The following SERHL2 variants were observed in gnomAD, a reference collection of about 807,000 sequenced individuals.
SERHL2 encodes serine hydrolase like 2.
Under a neutral mutation model 25.5 loss-of-function variants are expected in SERHL2, and 29 were observed. That is an observed-to-expected ratio of 1.14 (90% CI 0.85 to 1.55). The LOEUF (loss-of-function observed/expected upper bound fraction) is 1.55. Among genes scored for constraint, SERHL2 ranks in the 40% most tolerant of loss-of-function variants. The pLI, the probability that SERHL2 is intolerant of heterozygous loss-of-function variation, is 0.00. For synonymous variants in SERHL2, 95 were observed against 103.5 expected (o/e 0.92, Z 0.50); for missense variants, 240 against 252.3 (o/e 0.95, Z 0.33).
intron 7 of SERHL2, among the ~76,000 whole-genome samples, chr22:42,559,224 G>C (rs1922357407): frequency 1.9e-5 from 1 of 51,980 alleles, no homozygotes; most frequent in South Asian, 6.8e-4. Context: ...GCGAGACCCT[G>C]TATTTAAAAA....
intron 10 of SERHL2, 121 bp from the exon 11 acceptor site, chr22:42,572,315 G>T (rs1467921753): frequency 3.0e-6 from 2 of 662,582 alleles, no homozygotes; most frequent in Non-Finnish European, 5.3e-6. Context: ...CCAGCTGTGG[G>T]AGTTGGGGTA....
rs140100956 is a variant in SERHL2 at position 42,572,493 on chromosome 22, G to C, written c.789G>C (p.Ser263=). Residue 263 remains serine, a synonymous_variant, in exon 11 of 12, where the codon TCG becomes TCC. Coordinates refer to ENST00000327678, the MANE Select transcript of SERHL2 (RefSeq NM_014509.5). ...RQNYSEKESL[S]FMIDTMKSTL... ...ATTACTCTGAGAAGGAGTCCCTGTC[G>C]TTCATGATAGACACGATGAAATCCA... 4.3e-6 allele frequency: 7 copies of C among 1,611,806 alleles called. No individual in the cohort carries two copies. The African/African-American group carries it at 9.3e-5, about 22-fold the overall frequency.
chr22:42,571,585 C>G (rs1161100667), intron 10 of SERHL2: 179 of 541,918 alleles, frequency 3.3e-4, no homozygotes, highest in Non-Finnish European at 4.2e-4. Context: ...GCCACCAGGC[C>G]TGGCTTATTT....
chr22:42,567,706 C>A (rs543353400), intron 9 of SERHL2, among the ~76,000 whole-genome samples: 1 of 148,952 alleles, frequency 6.7e-6, no homozygotes, highest in Non-Finnish European at 1.5e-5. Context: ...AATAAAAGTT[C>A]GATTTTTCTT....
chr22:42,553,995 A>T lies in SERHL2; in HGVS notation c.-26A>T. On this transcript the variant is annotated 5_prime_UTR_variant, in exon 1 of 12. Coordinates refer to ENST00000327678, the MANE Select transcript of SERHL2 (RefSeq NM_014509.5). ...ACCTAGCCAGGCGTGAGGGAGTGAC[A>T]GCAGCGCATTCGCGGGACGAGAGCG... is the stretch of plus-strand genomic sequence containing the variant. 1 of 1,613,352 alleles carries T rather than the reference A, an allele frequency of 6.2e-7. No homozygotes were observed. Among genetic ancestry groups the T allele is most frequent in the South Asian group, 1.1e-5 (1 of 91,028 alleles).
chr22:42,560,108 C>A (rs7288003), intron 7 of SERHL2, 78 bp from the exon 8 acceptor site: 7 of 1,073,558 alleles, frequency 6.5e-6, no homozygotes, highest in Admixed American at 3.4e-5. Flanking sequence ...CACCGTCCCC[C>A]CCGGCCCTCC....
At chr22:42,562,937 G>C (rs1447296814) in intron 8 of SERHL2, among the ~76,000 whole-genome samples, 1 of 151,956 alleles carries the variant, frequency 6.6e-6, no homozygotes, top group Non-Finnish European at 1.5e-5. Flanking sequence ...ACACATGCCT[G>C]TAATCCCAGC....
chr22:42,570,846 T>C (rs1924069949), intron 9 of SERHL2, among the ~76,000 whole-genome samples: 1 of 151,974 alleles, frequency 6.6e-6, no homozygotes, highest in Non-Finnish European at 1.5e-5. Context: ...CTCACAGGCA[T>C]ACCCGGTGGC....
chr22:42,564,776 T>G lies in SERHL2; in HGVS notation c.614-1528T>G, dbSNP rs116509799. Among the ~76,000 whole-genome samples the G allele has an allele frequency of 6.4e-3, 980 of 152,000 alleles. 6 individuals carry two copies. The highest frequency in any genetic ancestry group is 0.023 in the African/African-American group (952 of 41,536). On this transcript the variant is annotated intron_variant, in intron 8 of 11. Transcript: ENST00000327678. ...GGGACCGTCTCCCTTCATGGCTCTTTTACAGAGTTTTTCTACTAGTCTTTT... is the reference window on the plus strand; with the variant it reads ...GGGACCGTCTCCCTTCATGGCTCTTGTACAGAGTTTTTCTACTAGTCTTTT...
Position 42,560,417 on chromosome 22 carries a change from A to G in SERHL2, c.613+152A>G. On this transcript the variant is annotated intron_variant, in intron 8 of 11. Transcript: ENST00000327678. ...CCTGCCTCACCCTCATCCCATTTAG[A>G]GCAGGAGAAACCAAGGCTCAGCATT... 4.6e-6 allele frequency: 3 copies of G among 646,310 alleles called. No individual in the cohort carries two copies. In the East Asian group the frequency reaches 8.2e-5, roughly 18 times the overall value. 40.0% of individuals were successfully genotyped at this position (646,310 alleles called of 1,614,324 possible).
chr22:42,573,613 C>A (rs1249162279), intron 11 of SERHL2: 3 of 296,830 alleles, frequency 1.0e-5, no homozygotes, highest in Non-Finnish European at 1.9e-5. Flanking sequence ...ACGCCCCCAT[C>A]TCATTATCTT....
chr22:42,559,740 A>T (rs115415055), intron 7 of SERHL2, among the ~76,000 whole-genome samples: 2,677 of 151,864 alleles, frequency 0.018, 72 homozygotes, highest in African/African-American at 0.061. Context: ...AAAAGAAAAA[A>T]AAATCACGAG....
intron 8 of SERHL2, among the ~76,000 whole-genome samples, chr22:42,560,546 C>T (rs974043252): frequency 4.0e-5 from 6 of 151,850 alleles, no homozygotes; most frequent in Admixed American, 1.3e-4. Context: ...GTGAATGTCA[C>T]GGCCATGCTC....
chr22:42,572,564 C>G, intron 11 of SERHL2, 35 bp downstream of exon 11: 10 of 1,607,410 alleles, frequency 6.2e-6, no homozygotes, highest in Non-Finnish European at 8.5e-6. Flanking sequence ...TGTCCAGCCA[C>G]TGTCGCCCAC....
rs1445382680 is a variant in SERHL2, at chr22:42,571,306, C to T, written c.731+103C>T. ...ATGAGGCTCCAAGTTCTCTGCGTGT[C>T]GACCACATCGCTAAGGCTCAAGATC... On this transcript the variant is annotated intron_variant, in intron 10 of 11. Transcript: ENST00000327678. 137 of 1,562,842 alleles carry T rather than the reference C, an allele frequency of 8.8e-5. 2 individuals are homozygous for T. The highest frequency in any genetic ancestry group is 1.7e-4 in the Middle Eastern group (1 of 5,786).
chr22:42,560,096 G>C (rs961166032), intron 7 of SERHL2, 90 bp from the exon 8 acceptor site: 7 of 946,128 alleles, frequency 7.4e-6, no homozygotes, highest in African/African-American at 4.8e-5. Context: ...ACAGGCATGA[G>C]CCACCGTCCC....
At chr22:42,566,182 G>A (rs1923352087) in intron 8 of SERHL2, 122 bp from the exon 9 acceptor site, 1 of 943,268 alleles carries the variant, frequency 1.1e-6, no homozygotes, top group East Asian at 2.5e-5. Context: ...GAGGACGTCG[G>A]GGGCAGGTGG....
rs748529769 is a variant in SERHL2, at chr22:42,574,169, A to AGGCCC, written c.*115_*119dup. ...GTGGGGACAGGCCTCACTAGTCTTG[A>AGGCCC]GGCCCAGCCTAGGATGGTAGTCAGG... On this transcript the variant is annotated 3_prime_UTR_variant, in exon 12 of 12. Transcript: ENST00000327678. 1.4e-4 allele frequency: 125 copies of AGGCCC among 922,088 alleles called. 1 individual carries two copies. Among genetic ancestry groups the AGGCCC allele is most frequent in the Non-Finnish European group, 1.8e-4 (107 of 585,862 alleles). The allele number at this position is 922,088 out of a possible 1,614,324, so 57.1% of individuals were successfully genotyped here.
intron 10 of SERHL2, chr22:42,571,936 G>A (rs1924265470): frequency 9.6e-6 from 1 of 104,614 alleles, no homozygotes; most frequent in Admixed American, 8.6e-5. Flanking sequence ...CCTGTTGGGG[G>A]CGGGGGGCGG....
Sources: allele counts gnomAD v4.1 joint callset (sites outside exome capture counted in the v4.1 genomes callset), GRCh38; gene constraint gnomAD v4.1.1; transcripts MANE v1.5; gene names NCBI Gene and HGNC (gene_info 2026-07-23, HGNC 2026-07-21).